The following LRP2 variants were observed in gnomAD, a reference collection of about 807,000 sequenced individuals.
The protein encoded by LRP2 is LDL receptor related protein 2.
Under a neutral mutation model 531.0 loss-of-function variants are expected in LRP2, and 172 were observed. That is an observed-to-expected ratio of 0.32 (90% CI 0.29 to 0.37). The LOEUF is 0.37. LRP2 is among the 10% of genes least tolerant of loss of function. The pLI, the probability that LRP2 is intolerant of heterozygous loss-of-function variation, is 1.00. For missense variants in LRP2, 5,167 were observed against 5,868.3 expected, an observed-to-expected ratio of 0.88 and a Z score of 3.90; for synonymous variants, 1,992 against 2,027.6, an observed-to-expected ratio of 0.98 and a Z score of 0.47.
At chr2:169,308,155 T>C (rs985169858) in intron 3 of LRP2, among the ~76,000 whole-genome samples, 2 of 152,126 alleles carry the variant, frequency 1.3e-5, no homozygotes, top group East Asian at 1.9e-4. Context: ...AAATATAATA[T>C]AATCCCCTAA....
Position 169,279,423 on chromosome 2 carries a change from A to G in LRP2, c.1514T>C (p.Ile505Thr). Reference protein sequence around the residue: ...NLDGSYRVTLITENLGHPRGI... With the variant: ...NLDGSYRVTLTTENLGHPRGI... ...TCTAGGATGCCCCAAGTTTTCAGTT[A>G]TAAGGGTAACCCGATAGCTTCCATC... The change falls in exon 12 of 79, where the codon ATA (isoleucine) becomes ACA (threonine). Residue 505 changes from isoleucine (I) to threonine (T), a missense_variant. Ile to Thr is a moderately conservative substitution (Grantham distance 89). Coordinates refer to ENST00000649046, the MANE Select transcript of LRP2 (RefSeq NM_004525.3). 1 of 1,614,116 alleles carries G rather than the reference A, an allele frequency of 6.2e-7. No homozygotes were observed. Among genetic ancestry groups the G allele is most frequent in the Non-Finnish European group, 8.5e-7 (1 of 1,180,000 alleles).
chr2:169,264,971 T>A (rs1574197439), intron 16 of LRP2, among the ~76,000 whole-genome samples: 1 of 151,992 alleles, frequency 6.6e-6, no homozygotes, highest in East Asian at 1.9e-4. Context: ...ATTATAGGAA[T>A]ACTGAAAGGG....
chr2:169,202,657 C>T, intron 43 of LRP2, 99 bp downstream of exon 43: 1 of 1,258,562 alleles, frequency 7.9e-7, no homozygotes. Context: ...TGCCTAGGCA[C>T]ACATTTCAAA....
In LRP2 at chr2:169,361,306, GTCTCTGTCTCTCTGTCTC is replaced by G. The variant is rs1559092683; in HGVS notation, c.79+997_79+1014del. ...GCCCTTCCCATTCATCCTCGGCCGGGTCTCTGTCTCTCTGTCTCTCTCTGTCTCTCTCTGTCTCTCTCT... is the reference window on the plus strand; with the variant it reads ...GCCCTTCCCATTCATCCTCGGCCGGGTCTCTGTCTCTCTCTGTCTCTCTCT... On this transcript the variant is annotated intron_variant, in intron 1 of 78. Transcript: ENST00000649046. Among the ~76,000 whole-genome samples, 10 of 140,494 alleles carry G rather than the reference GTCTCTGTCTCTCTGTCTC, an allele frequency of 7.1e-5. 1 individual carries two copies. In the South Asian group the frequency reaches 1.6e-3, roughly 22 times the overall value. The allele number at this position is 140,494 out of a possible 152,430, so 92.2% of individuals were successfully genotyped here. A position where few individuals can be genotyped will look rare whatever the true frequency, so the allele number is the denominator to read the frequency against.
At chr2:169,216,546 G>C in intron 34 of LRP2, 116 bp from the exon 35 acceptor site, 2 of 989,204 alleles carry the variant, frequency 2.0e-6, no homozygotes, top group Non-Finnish European at 3.1e-6. Flanking sequence ...ATGGGCAAAG[G>C]CTGAAAATCA....
At chr2:169,239,281 T>A (rs897088888) in intron 26 of LRP2, among the ~76,000 whole-genome samples, 8 of 152,212 alleles carry the variant, frequency 5.3e-5, no homozygotes, top group Non-Finnish European at 8.8e-5. Flanking sequence ...GGTATTATTT[T>A]AAATACTTTA....
chr2:169,178,097 G>T (rs1687276642), intron 52 of LRP2, 71 bp from the exon 53 acceptor site: 3 of 1,128,194 alleles, frequency 2.7e-6, no homozygotes, highest in Admixed American at 3.9e-5. Flanking sequence ...CAGGATAAAA[G>T]AATTCACAAA....
intron 35 of LRP2, among the ~76,000 whole-genome samples, chr2:169,215,968 G>A (rs1440729595): frequency 6.6e-6 from 1 of 151,698 alleles, no homozygotes; most frequent in Admixed American, 6.6e-5. Flanking sequence ...TGACAAGTAA[G>A]AAATGACAAA....
At chr2:169,232,667 T>A (rs1345074965) in intron 30 of LRP2, among the ~76,000 whole-genome samples, 1 of 152,120 alleles carries the variant, frequency 6.6e-6, no homozygotes, top group Non-Finnish European at 1.5e-5. Flanking sequence ...GGTAGAATCC[T>A]AAATAGCACG....
Position 169,219,823 on chromosome 2 carries a change from A to T in LRP2, c.5648+631T>A, listed in dbSNP as rs930142307. The stretch of plus-strand genomic sequence containing the variant: ...ACTAAAATAAAAGTTGAAATTTTTT[A>T]AAAAAAATCCCTACTTGCTCCTTAT... On this transcript the variant is annotated intron_variant, in intron 34 of 78. Transcript: ENST00000649046. Among the ~76,000 whole-genome samples, 731 of 91,750 alleles carry T rather than the reference A, an allele frequency of 8.0e-3. 3 individuals are homozygous for T. Among genetic ancestry groups the T allele is most frequent in the Middle Eastern group, 0.031 (4 of 128 alleles). 60.2% of individuals were successfully genotyped at this position (91,750 alleles called of 152,430 possible).
rs1281888349 is a variant in LRP2 at position 169,357,297 on chromosome 2, TTATTTTATTTTA to T, written c.79+5012_79+5023del. On this transcript the variant is annotated intron_variant, in intron 1 of 78. Transcript: ENST00000649046. ...TTTTTCTTTTTTATTTATTTTTATT[TTATTTTATTTTA>T]TTTTATTTTATTTTATTTTATTTTA... 2.2e-4 allele frequency among the ~76,000 whole-genome samples: 10 copies of T among 46,318 alleles called. No individual in the cohort carries two copies. In the East Asian group the frequency reaches 2.9e-3, roughly 14 times the overall value. The allele number at this position is 46,318 out of a possible 152,430, so 30.4% of individuals were successfully genotyped here. A position where few individuals can be genotyped will look rare whatever the true frequency, so the allele number is the denominator to read the frequency against.
rs1186055200 is a variant in LRP2, at chr2:169,127,794, GT to G, written c.*868del. 6.6e-6 allele frequency: 1 copy of G among 151,550 alleles called. No individual in the cohort carries two copies. Among genetic ancestry groups the G allele is most frequent in the African/African-American group, 2.4e-5 (1 of 41,050 alleles). The allele number at this position is 151,550 out of a possible 1,614,324, so 9.4% of individuals were successfully genotyped here. On this transcript the variant is annotated 3_prime_UTR_variant, in exon 79 of 79. Transcript: ENST00000649046. ...CTTATTTTATGAAGACACAGATTTG[GT>G]TTCAGAAATTCAGCTACTGAGCTCC...
chr2:169,225,405 C>A lies in LRP2; in HGVS notation c.5443G>T (p.Ala1815Ser). The A allele has an allele frequency of 3.1e-6, 5 of 1,614,036 alleles. No individual in the cohort carries two copies. The highest frequency in any genetic ancestry group is 4.2e-6 in the Non-Finnish European group (5 of 1,179,966). The change falls in exon 33 of 79, where the codon GCT (alanine) becomes TCT (serine). Residue 1815 changes from alanine (A) to serine (S), a missense_variant. This residue lies in a region of LRP2 where 2,811 missense variants were observed against 3,058.0 expected (regional missense o/e 0.92). Transcript: ENST00000649046. The part of the protein sequence containing the change: ...KTDGTNRTVF[A>S]SISMVGPSMN... ...GAAGGCCCCACCATAGATATAGAAGCAAATACTGTCCTGTTGGTGCCATCT... is the reference window on the plus strand; with the variant it reads ...GAAGGCCCCACCATAGATATAGAAGAAAATACTGTCCTGTTGGTGCCATCT...
chr2:169,191,901 C>A lies in LRP2; in HGVS notation c.8963G>T (p.Cys2988Phe). The A allele has an allele frequency of 6.2e-7, 1 of 1,614,162 alleles. No homozygotes were observed. Among genetic ancestry groups the A allele is most frequent in the Non-Finnish European group, 8.5e-7 (1 of 1,180,020 alleles). The change falls in exon 48 of 79, where the codon TGC becomes TTC. Residue 2988 changes from cysteine to phenylalanine, a missense_variant. Coordinates refer to ENST00000649046, the MANE Select transcript of LRP2 (RefSeq NM_004525.3). ...ATTTTCAGAGCAAGTTCTCCTGGTG[C>A]AATTCTGATTCTCATCGTAGCCGTC... ...CTDGYDENQN[C>F]TRRTCSENEF... is the part of the protein sequence containing the mutation.
intron 4 of LRP2, among the ~76,000 whole-genome samples, chr2:169,299,133 AAG>A (rs1422031366): frequency 3.5e-5 from 2 of 57,428 alleles, no homozygotes; most frequent in African/African-American, 1.0e-4. Flanking sequence ...GAAAGAAAGA[AAG>A]AAAGAAAGAA....
At chr2:169,148,291 A>G (rs1484822371) in intron 68 of LRP2, among the ~76,000 whole-genome samples, 2 of 152,260 alleles carry the variant, frequency 1.3e-5, no homozygotes, top group East Asian at 1.9e-4. Flanking sequence ...AGAGCAGATT[A>G]GCAGGTACTG....
intron 62 of LRP2, among the ~76,000 whole-genome samples, chr2:169,164,525 A>T (rs1686712762): frequency 6.6e-6 from 1 of 152,220 alleles, no homozygotes; most frequent in South Asian, 2.1e-4. Context: ...TGACCAATGG[A>T]CTATGAGCAA....
At chr2:169,203,903 T>C (rs1688287016) in intron 42 of LRP2, 79 bp downstream of exon 42, 2 of 1,493,176 alleles carry the variant, frequency 1.3e-6, no homozygotes, top group African/African-American at 1.4e-5. Context: ...TTTTCTCCTG[T>C]GAGAACTTCA....
At chr2:169,195,772 C>A (rs1366577133) in intron 46 of LRP2, among the ~76,000 whole-genome samples, 1 of 152,100 alleles carries the variant, frequency 6.6e-6, no homozygotes, top group Non-Finnish European at 1.5e-5. Flanking sequence ...CCTTTGCTTT[C>A]TATAAAACTT....
Sources: allele counts gnomAD v4.1 joint callset (sites outside exome capture counted in the v4.1 genomes callset), GRCh38; gene constraint gnomAD v4.1.1; regional missense constraint gnomAD v4.1.1; transcripts MANE v1.5; gene names NCBI Gene and HGNC (gene_info 2026-07-23, HGNC 2026-07-21).